Variants in GNB4 observed in about 807,000 individuals in gnomAD.
The protein encoded by GNB4 is G protein subunit beta 4, also known as guanine nucleotide-binding protein subunit beta-4.
In GNB4, 28 loss-of-function variants were observed where a neutral mutation model predicts 45.2. The ratio of observed to expected loss-of-function variants is 0.62; its 90% CI spans 0.46 to 0.85. GNB4 has a LOEUF of 0.85. GNB4 is among the 40% of genes least tolerant of loss of function. The pLI, the probability that GNB4 is intolerant of heterozygous loss-of-function variation, is 0.00. For missense variants in GNB4, 321 were observed against 425.4 expected (o/e 0.75, Z 2.16); for synonymous variants, 132 against 143.7 (o/e 0.92, Z 0.58).
chr3:179,447,874 T>C (rs143379618), intron 1 of GNB4, among the ~76,000 whole-genome samples: 60 of 152,290 alleles, frequency 3.9e-4, no homozygotes, highest in African/African-American at 1.3e-3. Flanking sequence ...GGTGGTACCA[T>C]TGACTGAGAT....
the GNB4 span, among the ~76,000 whole-genome samples, chr3:179,486,657 G>T: frequency 6.6e-6 from 1 of 152,198 alleles, no homozygotes; most frequent in Admixed American, 6.5e-5. Context: ...TGATGTGACA[G>T]AGTGCAAGCA....
intron 8 of GNB4, 89 bp downstream of exon 8, chr3:179,413,323 C>A: frequency 1.0e-6 from 1 of 1,000,534 alleles, no homozygotes; most frequent in East Asian, 2.5e-5. Context: ...TGTAAGAATC[C>A]TTGAAGGCAA....
chr3:179,501,848 A>G, the GNB4 span, among the ~76,000 whole-genome samples: 480 of 151,952 alleles, frequency 3.2e-3, 2 homozygotes, highest in African/African-American at 0.011. Context: ...TTAGCATCTG[A>G]CCTCTTCTCG....
At chr3:179,520,961 C>T in the GNB4 span, among the ~76,000 whole-genome samples, 1 of 152,162 alleles carries the variant, frequency 6.6e-6, no homozygotes, top group Non-Finnish European at 1.5e-5. Flanking sequence ...GAAATCTATC[C>T]TCAAGGAAAT....
At chr3:179,517,816 C>T in the GNB4 span, among the ~76,000 whole-genome samples, 2 of 152,192 alleles carry the variant, frequency 1.3e-5, no homozygotes, top group Non-Finnish European at 2.9e-5. Flanking sequence ...GTAACGGACT[C>T]GGGAAGACAG....
chr3:179,481,744 T>A, the GNB4 span, among the ~76,000 whole-genome samples: 1 of 152,224 alleles, frequency 6.6e-6, no homozygotes, highest in African/African-American at 2.4e-5. Flanking sequence ...TATCACACTG[T>A]TTAAATGTCA....
At chr3:179,494,832 C>T in the GNB4 span, among the ~76,000 whole-genome samples, 20 of 141,936 alleles carry the variant, frequency 1.4e-4, no homozygotes, top group South Asian at 2.4e-3. Context: ...GGCATGAACC[C>T]GGGAGGCGGA....
intron 9 of GNB4, 107 bp from the exon 10 acceptor site, chr3:179,401,426 T>C (rs1409970929): frequency 4.1e-6 from 2 of 492,228 alleles, no homozygotes; most frequent in Non-Finnish European, 7.1e-6. Flanking sequence ...CCAGTTTTCT[T>C]GAAAGTTCAT....
At chr3:179,467,896 T>C in the GNB4 span, among the ~76,000 whole-genome samples, 1 of 151,836 alleles carries the variant, frequency 6.6e-6, no homozygotes, top group East Asian at 1.9e-4. Context: ...GTCGAACCTG[T>C]ATTGTTCATG....
the GNB4 span, among the ~76,000 whole-genome samples, chr3:179,475,411 A>G: frequency 1.9e-4 from 28 of 147,632 alleles, no homozygotes; most frequent in South Asian, 4.4e-3. Context: ...GAGCCACCAC[A>G]CCTGGCCCAA....
chr3:179,499,974 A>G, the GNB4 span, among the ~76,000 whole-genome samples: 2 of 152,046 alleles, frequency 1.3e-5, no homozygotes, highest in African/African-American at 4.8e-5. Flanking sequence ...TAGATTCTGG[A>G]TATTAGCCCT....
At chr3:179,523,487 G>A in the GNB4 span, among the ~76,000 whole-genome samples, 9 of 152,200 alleles carry the variant, frequency 5.9e-5, no homozygotes, top group South Asian at 2.1e-4. Flanking sequence ...TTGGCACCAC[G>A]GGGTGGATAG....
At chr3:179,433,315 G>C (rs1469102722) in intron 1 of GNB4, among the ~76,000 whole-genome samples, 1 of 151,872 alleles carries the variant, frequency 6.6e-6, no homozygotes, top group Non-Finnish European at 1.5e-5. Flanking sequence ...TCTCCCCAAA[G>C]GCTTACCAAC....
At chr3:179,499,182 G>C in the GNB4 span, among the ~76,000 whole-genome samples, 1 of 135,642 alleles carries the variant, frequency 7.4e-6, no homozygotes, top group Non-Finnish European at 1.5e-5. Flanking sequence ...TTTTGAGACG[G>C]AGTCTTGCTC....
chr3:179,483,412 GA>G, the GNB4 span, among the ~76,000 whole-genome samples: 1 of 151,864 alleles, frequency 6.6e-6, no homozygotes, highest in Admixed American at 6.6e-5. Flanking sequence ...TCAATAATAA[GA>G]TCAGGACAGG....
the GNB4 span, among the ~76,000 whole-genome samples, chr3:179,499,155 CTTTT>C: frequency 6.1e-4 from 68 of 111,498 alleles, no homozygotes; most frequent in Middle Eastern, 4.5e-3. Flanking sequence ...GCCACATTTT[CTTTT>C]TTTTTTTTTT....
chr3:179,427,425 C>A (rs142678357), intron 1 of GNB4, among the ~76,000 whole-genome samples: 1 of 151,586 alleles, frequency 6.6e-6, no homozygotes, highest in South Asian at 2.1e-4. Context: ...GGCAACATGG[C>A]GAAACCTCAT....
chr3:179,441,595 A>G (rs540151996), intron 1 of GNB4, among the ~76,000 whole-genome samples: 73 of 151,494 alleles, frequency 4.8e-4, no homozygotes, highest in Admixed American at 1.5e-3. Context: ...CAAACAAACA[A>G]ACAAAAATTA....
the GNB4 span, among the ~76,000 whole-genome samples, chr3:179,488,881 G>A: frequency 2.0e-5 from 3 of 148,578 alleles, no homozygotes; most frequent in Non-Finnish European, 3.0e-5. Context: ...CTACTTGGGC[G>A]ACTGACGCAG....
Sources: gnomAD v4.1 joint callset for allele counts (sites outside exome capture counted in the v4.1 genomes callset) on GRCh38, gnomAD v4.1.1 for gene constraint, MANE v1.5 for transcripts, NCBI Gene and HGNC (gene_info 2026-07-23, HGNC 2026-07-21) for gene names.